Variants in ERBIN observed in about 807,000 individuals in gnomAD.
The protein encoded by ERBIN is densin-180-like protein.
Under a neutral mutation model 158.4 loss-of-function variants are expected in ERBIN, and 60 were observed. The ratio of observed to expected loss-of-function variants is 0.38; its 90% confidence interval spans 0.31 to 0.47. The LOEUF (loss-of-function observed/expected upper bound fraction) is 0.47. ERBIN is among the 20% of genes least tolerant of loss of function. The probability of loss-of-function intolerance (pLI) is 0.99; values close to 1 mark genes in which losing one functional copy is unlikely to be tolerated. For synonymous variants in ERBIN, 594 were observed against 557.2 expected (o/e 1.07, Z -0.93); for missense variants, 1,610 against 1,648.0 (o/e 0.98, Z 0.40).
intron 1 of ERBIN, among the ~76,000 whole-genome samples, chr5:65,934,002 T>C (rs954973251): frequency 4.6e-5 from 7 of 152,072 alleles, no homozygotes; most frequent in African/African-American, 9.7e-5. Flanking sequence ...TTCACGCCAG[T>C]TCTCCTGCCT....
At chr5:66,013,018 A>T (rs1191909416) in intron 5 of ERBIN, among the ~76,000 whole-genome samples, 1 of 152,130 alleles carries the variant, frequency 6.6e-6, no homozygotes, top group Non-Finnish European at 1.5e-5. Context: ...GTTTCTGGAT[A>T]CATTTTTGGT....
At chr5:66,019,806 C>T (rs918574257) in intron 7 of ERBIN, among the ~76,000 whole-genome samples, 1 of 152,028 alleles carries the variant, frequency 6.6e-6, no homozygotes, top group Non-Finnish European at 1.5e-5. Flanking sequence ...ATTATGTGCT[C>T]AATAGTTACA....
intron 1 of ERBIN, among the ~76,000 whole-genome samples, chr5:65,970,126 TA>T (rs36115045): frequency 0.73 from 111,583 of 151,972 alleles, 42,702 homozygotes; most frequent in Non-Finnish European, 0.86. Context: ...GTATGAAGAC[TA>T]CACTGTTAAA....
At chr5:66,016,543 CCTTCATTCTTTCCT>C (rs1191283067) in intron 7 of ERBIN, among the ~76,000 whole-genome samples, 1 of 151,802 alleles carries the variant, frequency 6.6e-6, no homozygotes, top group Non-Finnish European at 1.5e-5. Context: ...TATTCTTTCC[CCTTCATTCTTTCCT>C]CCCCACTACC....
intron 25 of ERBIN, among the ~76,000 whole-genome samples, chr5:66,077,705 A>G (rs1762114236): frequency 6.6e-6 from 1 of 151,546 alleles, no homozygotes; most frequent in Admixed American, 6.6e-5. Context: ...AATTTGCTAC[A>G]TTGTCTTTAT....
intron 12 of ERBIN, 69 bp from the exon 13 acceptor site, chr5:66,026,233 G>A (rs985446904): frequency 2.1e-6 from 2 of 946,714 alleles, no homozygotes; most frequent in Admixed American, 5.6e-5. Flanking sequence ...TTTCAAAAAT[G>A]ATGTTTTTTA....
At chr5:66,048,102 G>A (rs1283426887) in intron 18 of ERBIN, among the ~76,000 whole-genome samples, 1 of 151,126 alleles carries the variant, frequency 6.6e-6, no homozygotes, top group Non-Finnish European at 1.5e-5. Flanking sequence ...AATGATGAGA[G>A]TGAAAGAATG....
At chr5:65,992,937 C>A (rs370717952) in intron 3 of ERBIN, 30 bp downstream of exon 3, 48 of 1,456,380 alleles carry the variant, frequency 3.3e-5, no homozygotes, top group Non-Finnish European at 4.2e-5. Context: ...CAAGAATTAT[C>A]TTTGGTTATT....
chr5:66,029,870 G>A (rs769697354), intron 14 of ERBIN, among the ~76,000 whole-genome samples: 14 of 152,188 alleles, frequency 9.2e-5, no homozygotes, highest in South Asian at 2.1e-4. Context: ...GATTACAGGC[G>A]TGAGCCACCA....
In ERBIN at chr5:65,941,987, G is replaced by A. The variant is rs564147237; in HGVS notation, c.-58+15181G>A. Among the ~76,000 whole-genome samples the A allele has an allele frequency of 1.2e-3, 184 of 152,232 alleles. 1 individual carries two copies. Among genetic ancestry groups the A allele is most frequent in the Middle Eastern group, 0.01 (3 of 294 alleles). On this transcript the variant is annotated intron_variant, in intron 1 of 25. Coordinates refer to ENST00000284037, the MANE Select transcript of ERBIN (RefSeq NM_001253697.2). ...GATCTCCTGACCTCGTGATGCGCCC[G>A]CCTCGGCCTTCCAAAGTGCTGGGAT...
At position 66,026,343 on chromosome 5, in the gene ERBIN, C is replaced by T. The variant is rs757953620; in HGVS notation, c.1062C>T (p.Ser354=). 4.6e-5 allele frequency: 73 copies of T among 1,595,160 alleles called. 1 individual carries two copies. The highest frequency in any genetic ancestry group is 5.9e-5 in the Non-Finnish European group (69 of 1,172,122). The change falls in exon 13 of 26, where the codon TCC becomes TCT. Residue 354 remains serine (S), a synonymous_variant. Transcript: ENST00000284037. ...ATATAACTGTGCTGTTTCTCCATTC[C>T]AATAAACTTGAGACACTTCCAGAGG... ...WKNITVLFLH[S]NKLETLPEEM...
rs914742163 is a variant in ERBIN at position 66,076,398 on chromosome 5, C to T, written c.4046C>T (p.Pro1349Leu). ...GGGGGTAGAGGAAACCCATTCAGAC[C>T]TGATGATGATGTAAGTTTTCTTTGT... is the stretch of plus-strand genomic sequence containing the variant. ...GVGGRGNPFR[P>L]DDDGIFVTRV... Residue 1349 changes from proline (P) to leucine (L), a missense_variant, in exon 24 of 26, where the codon CCT becomes CTT. Around this residue, in one of 2 missense-constraint regions of ERBIN, gnomAD observed 1,014 missense variants for 936.1 expected, o/e 1.08. Coordinates refer to ENST00000284037, the MANE Select transcript of ERBIN (RefSeq NM_001253697.2). 2 of 1,608,876 alleles carry T rather than the reference C, an allele frequency of 1.2e-6. No homozygotes were observed. The highest frequency in any genetic ancestry group is 1.7e-6 in the Non-Finnish European group (2 of 1,177,970).
chr5:65,956,061 G>A (rs1423538310), intron 1 of ERBIN, among the ~76,000 whole-genome samples: 2 of 152,134 alleles, frequency 1.3e-5, no homozygotes, highest in Non-Finnish European at 2.9e-5. Context: ...ATATTCTGAG[G>A]GATCTGGAAA....
chr5:65,987,823 C>T (rs1580263813), intron 1 of ERBIN, among the ~76,000 whole-genome samples: 1 of 127,638 alleles, frequency 7.8e-6, no homozygotes, highest in Non-Finnish European at 1.6e-5. Flanking sequence ...CCAGCCTGGG[C>T]AACAGAGTGA....
At chr5:66,018,454 T>TG (rs1485856090) in intron 7 of ERBIN, among the ~76,000 whole-genome samples, 1 of 21,976 alleles carries the variant, frequency 4.6e-5, no homozygotes, top group Non-Finnish European at 8.5e-5. Flanking sequence ...ATAATATATA[T>TG]TATATTATAT....
intron 1 of ERBIN, among the ~76,000 whole-genome samples, chr5:65,933,909 AT>A (rs915665202): frequency 1.3e-5 from 2 of 151,318 alleles, no homozygotes; most frequent in Non-Finnish European, 3.0e-5. Context: ...CTAAATATAT[AT>A]TTTTTTTTAT....
rs756604033 is a variant in ERBIN, at chr5:66,026,309, G to A, written c.1028G>A (p.Ser343Asn). 2.0e-5 allele frequency: 31 copies of A among 1,576,802 alleles called. No homozygotes were observed. The Middle Eastern group carries it at 6.7e-4, about 34-fold the overall frequency. ...TTTATATTTCTCTTTCAGATTGGAA[G>A]CTGGAAAAATATAACTGTGCTGTTT... ...YLQQLPPEIG[S>N]WKNITVLFLH... Residue 343 changes from serine to asparagine, a missense_variant, in exon 13 of 26, where the codon AGC becomes AAC. By Grantham distance (46) the Ser-to-Asn change is conservative. Coordinates refer to ENST00000284037, the MANE Select transcript of ERBIN (RefSeq NM_001253697.2).
chr5:66,046,347 A>G lies in ERBIN; in HGVS notation c.1603-6A>G. On this transcript the variant is annotated splice_polypyrimidine_tract_variant and splice_region_variant and intron_variant, in intron 17 of 25. Coordinates refer to ENST00000284037, the MANE Select transcript of ERBIN (RefSeq NM_001253697.2). ...ATATGAGCTCTTTATCTTTTCTTTT[A>G]CTTAGACCTCAGAAAGTACTACTAC... The G allele has an allele frequency of 6.8e-7, 1 of 1,464,662 alleles. No individual in the cohort carries two copies. Among genetic ancestry groups the G allele is most frequent in the Non-Finnish European group, 9.2e-7 (1 of 1,081,922 alleles). The allele number at this position is 1,464,662 out of a possible 1,614,324, so 90.7% of individuals were successfully genotyped here.
chr5:65,991,392 A>G (rs1580275432), intron 2 of ERBIN, among the ~76,000 whole-genome samples: 1 of 152,298 alleles, frequency 6.6e-6, no homozygotes, highest in South Asian at 2.1e-4. Flanking sequence ...GGTTCTGGTT[A>G]GAGGTAATCT....
Sources: gnomAD v4.1 joint callset for allele counts (sites outside exome capture counted in the v4.1 genomes callset) on GRCh38, gnomAD v4.1.1 for gene constraint, gnomAD v4.1.1 regional missense constraint, MANE v1.5 for transcripts, NCBI Gene and HGNC (gene_info 2026-07-23, HGNC 2026-07-21) for gene names.